Variants in BAIAP2L1 observed in about 807,000 individuals in gnomAD.
BAIAP2L1 encodes BAR/IMD domain-containing adapter protein 2-like 1.
Under a neutral mutation model 66.3 loss-of-function variants are expected in BAIAP2L1, and 35 were observed. The observed-to-expected ratio is 0.53, with a 90% CI of 0.40 to 0.70. The LOEUF (loss-of-function observed/expected upper bound fraction) is 0.70, where lower values mean the gene tolerates loss of function less well. BAIAP2L1 is among the 30% of genes least tolerant of loss of function. BAIAP2L1 has a pLI of 0.00. For missense variants in BAIAP2L1, 622 were observed against 656.9 expected, an observed-to-expected ratio of 0.95 and a Z score of 0.58; for synonymous variants, 269 against 248.7, an observed-to-expected ratio of 1.08 and a Z score of -0.77.
At chr7:98,316,164 C>T (rs1801070356) in intron 6 of BAIAP2L1, among the ~76,000 whole-genome samples, 1 of 152,158 alleles carries the variant, frequency 6.6e-6, no homozygotes, top group Non-Finnish European at 1.5e-5. Flanking sequence ...TGCACAAGCT[C>T]TCCTTTGCCT....
At chr7:98,352,900 C>A (rs1802031049) in intron 3 of BAIAP2L1, among the ~76,000 whole-genome samples, 2 of 152,166 alleles carry the variant, frequency 1.3e-5, no homozygotes, top group Admixed American at 1.3e-4. Context: ...TGAGTCAGAG[C>A]ACCATATGTT....
chr7:98,400,672 G>T, intron 1 of BAIAP2L1, 130 bp downstream of exon 1: 1 of 1,065,140 alleles, frequency 9.4e-7, no homozygotes, highest in Non-Finnish European at 1.4e-6. Context: ...GAGTGGGAGA[G>T]ACCGGGAGAG....
chr7:98,376,055 C>G (rs1802620443), intron 1 of BAIAP2L1, among the ~76,000 whole-genome samples: 1 of 152,134 alleles, frequency 6.6e-6, no homozygotes, highest in African/African-American at 2.4e-5. Flanking sequence ...ATACATTTCA[C>G]TCTTACATCT....
chr7:98,355,608 A>C (rs1219376228), intron 2 of BAIAP2L1, among the ~76,000 whole-genome samples: 1 of 151,400 alleles, frequency 6.6e-6, no homozygotes, highest in Admixed American at 6.6e-5. Context: ...GTGTGCCTGC[A>C]GTCCCAGCTA....
At chr7:98,359,032 GGC>G (rs1254838894) in intron 2 of BAIAP2L1, among the ~76,000 whole-genome samples, 1 of 152,146 alleles carries the variant, frequency 6.6e-6, no homozygotes, top group Non-Finnish European at 1.5e-5. Context: ...GACAGAGTCT[GGC>G]CTCCTTGAAG....
chr7:98,370,472 G>C (rs978764345), intron 1 of BAIAP2L1, among the ~76,000 whole-genome samples: 8 of 151,190 alleles, frequency 5.3e-5, no homozygotes, highest in African/African-American at 1.9e-4. Context: ...ATTACTGTAC[G>C]TAGGTTCAGC....
At chr7:98,317,854 T>C (rs374605256) in intron 5 of BAIAP2L1, among the ~76,000 whole-genome samples, 4 of 150,138 alleles carry the variant, frequency 2.7e-5, no homozygotes, top group Non-Finnish European at 4.4e-5. Flanking sequence ...ACCATCTGCA[T>C]GATGGCTGGG....
intron 3 of BAIAP2L1, among the ~76,000 whole-genome samples, chr7:98,325,650 C>A (rs1210722790): frequency 6.6e-6 from 1 of 152,026 alleles, no homozygotes; most frequent in African/African-American, 2.4e-5. Context: ...TGCACTCCAG[C>A]CCGGGTGACA....
Position 98,291,705 on chromosome 7 carries a change from A to C in BAIAP2L1, c.*1816T>G, listed in dbSNP as rs2116755499. On this transcript the variant is annotated 3_prime_UTR_variant, in exon 14 of 14. Coordinates refer to ENST00000005260, the MANE Select transcript of BAIAP2L1 (RefSeq NM_018842.5). ...TGTAATCCCTTGATATTTACAGAGCAGGCACCTCGGTGCCAAGGACCAGGC... is the reference window on the plus strand; with the variant it reads ...TGTAATCCCTTGATATTTACAGAGCCGGCACCTCGGTGCCAAGGACCAGGC... 1 of 239,082 alleles carries C rather than the reference A, an allele frequency of 4.2e-6. No homozygotes were observed. The highest frequency in any genetic ancestry group is 6.1e-5 in the Admixed American group (1 of 16,456). The allele number at this position is 239,082 out of a possible 1,614,324, so 14.8% of individuals were successfully genotyped here. A position where few individuals can be genotyped will look rare whatever the true frequency, so the allele number is the denominator to read the frequency against.
At chr7:98,368,804 T>A (rs914203686) in intron 1 of BAIAP2L1, among the ~76,000 whole-genome samples, 1 of 148,614 alleles carries the variant, frequency 6.7e-6, no homozygotes, top group South Asian at 2.2e-4. Flanking sequence ...TATCACTTTT[T>A]ATTTTTTTTT....
chr7:98,304,229 C>CTTT lies in BAIAP2L1; in HGVS notation c.1388_1389insAAA (p.Lys463dup), dbSNP rs1351374857. ...CGGTCTCGGGCTTGGACGCTGGGGC[C>CTTT]TTAAAGGTGGATGTCGTCCTGGCCG... On this transcript the variant is annotated inframe_insertion, in exon 12 of 14. Transcript: ENST00000005260. 6.2e-7 allele frequency: 1 copy of CTTT among 1,611,766 alleles called. No homozygotes were observed. Among genetic ancestry groups the CTTT allele is most frequent in the East Asian group, 2.2e-5 (1 of 44,784 alleles).
intron 8 of BAIAP2L1, 67 bp downstream of exon 8, chr7:98,312,030 G>A (rs1800891828): frequency 1.3e-6 from 2 of 1,484,168 alleles, no homozygotes; most frequent in Admixed American, 2.1e-5. Flanking sequence ...ACCAACACAG[G>A]CAAATTTGGC....
chr7:98,388,418 G>A (rs59120980), intron 1 of BAIAP2L1, among the ~76,000 whole-genome samples: 38,012 of 152,008 alleles, frequency 0.25, 5,012 homozygotes, highest in East Asian at 0.45. Context: ...GCTTCAACCC[G>A]GGAAGTGGAG....
intron 3 of BAIAP2L1, among the ~76,000 whole-genome samples, chr7:98,341,594 T>G (rs1425428826): frequency 6.6e-6 from 1 of 152,208 alleles, no homozygotes; most frequent in Admixed American, 6.6e-5. Flanking sequence ...CTAGGTCATA[T>G]ACCTGGTAGG....
intron 1 of BAIAP2L1, among the ~76,000 whole-genome samples, chr7:98,364,230 G>C (rs1380033928): frequency 6.6e-6 from 1 of 152,122 alleles, no homozygotes; most frequent in Non-Finnish European, 1.5e-5. Flanking sequence ...AGTAAAGCCT[G>C]GCTGTTTTTC....
intron 1 of BAIAP2L1, among the ~76,000 whole-genome samples, chr7:98,382,815 T>A (rs1377811935): frequency 2.0e-5 from 3 of 152,182 alleles, no homozygotes; most frequent in African/African-American, 7.2e-5. Flanking sequence ...ATTCTGAACT[T>A]CATAGGGAAT....
intron 2 of BAIAP2L1, among the ~76,000 whole-genome samples, chr7:98,361,767 ACTCTGTTG>A (rs1276043416): frequency 6.6e-6 from 1 of 151,914 alleles, no homozygotes; most frequent in East Asian, 1.9e-4. Context: ...ACAGACCCTT[ACTCTGTTG>A]CTCAGGCTGG....
rs546357045 is a variant in BAIAP2L1, at chr7:98,359,017, G to A, written c.127+3340C>T. ...ACTCTTAGGACACCACTGCTACTGA[G>A]TGAGGACAGAGTCTGGCCTCCTTGA... is the stretch of plus-strand genomic sequence containing the variant. On this transcript the variant is annotated intron_variant, in intron 2 of 13. Transcript: ENST00000005260. Among the ~76,000 whole-genome samples the A allele has an allele frequency of 3.9e-5, 6 of 152,318 alleles. No individual in the cohort carries two copies. The South Asian group carries it at 1.2e-3, about 32-fold the overall frequency.
At chr7:98,303,288 C>T (rs1800501326) in intron 12 of BAIAP2L1, among the ~76,000 whole-genome samples, 1 of 152,126 alleles carries the variant, frequency 6.6e-6, no homozygotes, top group South Asian at 2.1e-4. Flanking sequence ...TGAACTAAGG[C>T]CCCGGACACA....
Sources: allele counts gnomAD v4.1 joint callset (sites outside exome capture counted in the v4.1 genomes callset), GRCh38; gene constraint gnomAD v4.1.1; transcripts MANE v1.5; gene names NCBI Gene and HGNC (gene_info 2026-07-23, HGNC 2026-07-21).